CFAP99: variants seen among roughly 807,000 people sequenced by gnomAD.
CFAP99 encodes the protein cilia and flagella associated protein 99, also known as cilia- and flagella-associated protein 99.
CFAP99 carries 84 observed loss-of-function variants against 82.7 expected under a neutral mutation model. The ratio of observed to expected loss-of-function variants is 1.02; its 90% CI spans 0.85 to 1.22. The LOEUF (loss-of-function observed/expected upper bound fraction) is 1.22. Among genes scored for constraint, CFAP99 ranks in the 50% most tolerant of loss-of-function variants. The pLI is 0.00. For missense variants in CFAP99, 1,059 were observed against 983.5 expected, an observed-to-expected ratio of 1.08 and a Z score of -1.03; for synonymous variants, 456 against 429.5, an observed-to-expected ratio of 1.06 and a Z score of -0.76.
exon 14 of CFAP99, chr4:2,460,198 G>C (rs1734586155): frequency 6.5e-7 from 1 of 1,536,046 alleles, no homozygotes; most frequent in African/African-American, 1.4e-5. Flanking sequence ...TGGTGGAGCA[G>C]ATCTCGCTGT....
At position 2,459,498 on chromosome 4, in the gene CFAP99, G is replaced by C. The variant is rs551812986; in HGVS notation, c.1455+240G>C. Reference sequence around the variant, plus strand: ...CAGTCCTCTATAACTCCTGGGGGTGGCCAAGGTGGGCTTCACAGAGGAGGC... The same window carrying C: ...CAGTCCTCTATAACTCCTGGGGGTGCCCAAGGTGGGCTTCACAGAGGAGGC... On this transcript the variant is annotated intron_variant, in intron 13 of 14. Transcript: ENST00000635017. 2.6e-5 allele frequency among the ~76,000 whole-genome samples: 4 copies of C among 152,352 alleles called. No individual in the cohort carries two copies. The South Asian group carries it at 8.3e-4, about 32-fold the overall frequency.
At chr4:2,459,068 C>T in intron 12 of CFAP99, 39 bp from the exon 13 acceptor site, 1 of 1,477,878 alleles carries the variant, frequency 6.8e-7, no homozygotes, top group African/African-American at 1.4e-5. Context: ...CCTGCCCTGC[C>T]ACCCACCAGC....
chr4:2,440,983 AG>A (rs1241908729), intron 4 of CFAP99, among the ~76,000 whole-genome samples: 1 of 151,752 alleles, frequency 6.6e-6, no homozygotes, highest in Admixed American at 6.6e-5. Context: ...ACTTGAGCCC[AG>A]GAGTTTGAGG....
intron 11 of CFAP99, among the ~76,000 whole-genome samples, chr4:2,456,002 C>A (rs538957546): frequency 1.3e-5 from 2 of 152,134 alleles, no homozygotes; most frequent in Non-Finnish European, 1.5e-5. Flanking sequence ...GAACTTTGGG[C>A]ACTGCTCAAG....
rs148690724 is a variant in CFAP99 at position 2,426,663 on chromosome 4, A to ATGCCTTCCTAACGAC, written c.111+87_111+101dup. ...CAGCTGTTCTGGTTAACAGCATCAAATGCCTTCCTAACGACTGCCTTCCTT... is the reference window on the plus strand; with the variant it reads ...CAGCTGTTCTGGTTAACAGCATCAAATGCCTTCCTAACGACTGCCTTCCTAACGACTGCCTTCCTT... On this transcript the variant is annotated intron_variant, in intron 2 of 14. Coordinates refer to ENST00000635017, the Ensembl canonical transcript of CFAP99. The ATGCCTTCCTAACGAC allele has an allele frequency of 6.0e-3, 5,432 of 911,364 alleles. 111 individuals carry two copies. Among genetic ancestry groups the ATGCCTTCCTAACGAC allele is most frequent in the African/African-American group, 0.057 (3,441 of 60,296 alleles). The allele number at this position is 911,364 out of a possible 1,614,324, so 56.5% of individuals were successfully genotyped here.
Position 2,443,021 on chromosome 4 carries a change from G to A in CFAP99, c.352-109G>A, listed in dbSNP as rs1734083816. The A allele has an allele frequency of 1.5e-5, 8 of 526,572 alleles. 1 individual carries two copies. The Admixed American group carries it at 2.1e-4, about 14-fold the overall frequency. The allele number at this position is 526,572 out of a possible 1,614,324, so 32.6% of individuals were successfully genotyped here. A position where few individuals can be genotyped will look rare whatever the true frequency, so the allele number is the denominator to read the frequency against. ...GGGGGCCTTGGGGGGAGCCACTGGG[G>A]GTGCTGGGGGCCTTGGGGGCAGGGA... On this transcript the variant is annotated intron_variant, in intron 4 of 14. Coordinates refer to ENST00000635017, the Ensembl canonical transcript of CFAP99.
intron 4 of CFAP99, among the ~76,000 whole-genome samples, chr4:2,442,793 A>G (rs1391841279): frequency 3.3e-5 from 5 of 152,092 alleles, no homozygotes; most frequent in East Asian, 1.9e-4. Context: ...AAGGGGAGCC[A>G]AGGTCCAGGC....
intron 2 of CFAP99, among the ~76,000 whole-genome samples, chr4:2,436,548 C>T (rs868356709): frequency 8.5e-5 from 13 of 152,342 alleles, no homozygotes; most frequent in Middle Eastern, 6.8e-3. Flanking sequence ...CCGCTGGCCC[C>T]TGGCACTCTC....
In CFAP99 at chr4:2,438,136, A is replaced by G. The variant is rs758240278; in HGVS notation, c.323A>G (p.Lys108Arg). The change falls in exon 4 of 15, where the codon AAG (lysine) becomes AGG (arginine). Residue 108 changes from lysine to arginine, a missense_variant. By Grantham distance (26) the Lys-to-Arg change is conservative. Transcript: ENST00000635017. Reference sequence around the variant, plus strand: ...TTCCAGCTATTCTGTAACATCATCAAGTCCCAGCCCGTGGATAAGATGTGC... The same window carrying G: ...TTCCAGCTATTCTGTAACATCATCAGGTCCCAGCCCGTGGATAAGATGTGC... The G allele has an allele frequency of 6.5e-6, 10 of 1,535,628 alleles. No individual in the cohort carries two copies. In the South Asian group the frequency reaches 1.1e-4, roughly 16 times the overall value.
chr4:2,421,349 C>CTTT (rs1733579777), intron 1 of CFAP99, among the ~76,000 whole-genome samples: 1 of 91,432 alleles, frequency 1.1e-5, no homozygotes, highest in Non-Finnish European at 2.2e-5. Flanking sequence ...GTCTGCCCAC[C>CTTT]CTTTTTTTTT....
At chr4:2,443,440 A>C (rs1203813) in intron 5 of CFAP99, among the ~76,000 whole-genome samples, 198 bp downstream of exon 5, 51,443 of 152,152 alleles carry the variant, frequency 0.34, 9,102 homozygotes, top group Middle Eastern at 0.45. Flanking sequence ...CGGGGAGGAA[A>C]AGACGTGGTC....
intron 11 of CFAP99, among the ~76,000 whole-genome samples, chr4:2,452,950 C>G (rs1050753114): frequency 1.3e-5 from 2 of 152,104 alleles, no homozygotes; most frequent in African/African-American, 4.8e-5. Context: ...GTAGTGCCAC[C>G]TACTCGGGAG....
At chr4:2,432,514 G>C (rs1192656800) in intron 2 of CFAP99, among the ~76,000 whole-genome samples, 1 of 152,166 alleles carries the variant, frequency 6.6e-6, no homozygotes, top group South Asian at 2.1e-4. Flanking sequence ...TGATGAGCAG[G>C]TATTGGTGAC....
In CFAP99 at chr4:2,459,891, G is replaced by A. The variant is rs1734573854; in HGVS notation, c.1456-146G>A. On this transcript the variant is annotated intron_variant, in intron 13 of 14. Coordinates refer to ENST00000635017, the Ensembl canonical transcript of CFAP99. ...GTTGCAGAGCGGAGCCCAGGCTGGA[G>A]AGGCTGGGGGCATGTTTCATAAGCA... 7.1e-6 allele frequency: 5 copies of A among 703,458 alleles called. No individual in the cohort carries two copies. The South Asian group carries it at 8.5e-5, about 12-fold the overall frequency. The allele number at this position is 703,458 out of a possible 1,614,324, so 43.6% of individuals were successfully genotyped here.
chr4:2,431,790 C>T (rs1528069), intron 2 of CFAP99, among the ~76,000 whole-genome samples: 6,654 of 151,774 alleles, frequency 0.044, 511 homozygotes, highest in African/African-American at 0.15. Flanking sequence ...CAGTACAGCT[C>T]ATGGCCACTT....
rs1265878881 is a variant in CFAP99, at chr4:2,438,175, C to G, written c.351+11C>G. 2 of 1,498,996 alleles carry G rather than the reference C, an allele frequency of 1.3e-6. No homozygotes were observed. The highest frequency in any genetic ancestry group is 3.9e-5 in the Admixed American group (2 of 50,938). 92.9% of individuals were successfully genotyped at this position (1,498,996 alleles called of 1,614,324 possible). A position where few individuals can be genotyped will look rare whatever the true frequency, so the allele number is the denominator to read the frequency against. On this transcript the variant is annotated intron_variant, in intron 4 of 14. Coordinates refer to ENST00000635017, the Ensembl canonical transcript of CFAP99. ...GATAAGATGTGCAAGGTGAGCCACC[C>G]CTACCTGCCCACCAGGCCACGAGGC...
chr4:2,437,557 G>A (rs1453864489), intron 3 of CFAP99, among the ~76,000 whole-genome samples: 1 of 152,222 alleles, frequency 6.6e-6, no homozygotes, highest in Non-Finnish European at 1.5e-5. Flanking sequence ...AGGGAGAGGA[G>A]TGGGGCGAGC....
chr4:2,450,021 C>T lies in CFAP99; in HGVS notation c.795+16C>T. ...GCGAGTGCAGGTACCGCCCAGCTCT[C>T]TCAAGACCCATCATCGAGGTGCCAT... On this transcript the variant is annotated intron_variant, in intron 8 of 14. Transcript: ENST00000635017. 6.5e-7 allele frequency: 1 copy of T among 1,535,780 alleles called. No homozygotes were observed. The highest frequency in any genetic ancestry group is 8.7e-7 in the Non-Finnish European group (1 of 1,146,582).
In CFAP99 at chr4:2,462,784, G is replaced by A. The variant is rs1340098234; in HGVS notation, c.2003G>A (p.Arg668His). ...GGAGGCGGTGGGGGCGTCCCTGCCCGCGCCGACGCGTTCCCCGGCCTGCAG... is the reference window on the plus strand; with the variant it reads ...GGAGGCGGTGGGGGCGTCCCTGCCCACGCCGACGCGTTCCCCGGCCTGCAG... Residue 668 changes from arginine (R) to histidine (H), a missense_variant, in exon 15 of 15, where the codon CGC becomes CAC. Arg to His is a conservative substitution (Grantham distance 29). Coordinates refer to ENST00000635017, the Ensembl canonical transcript of CFAP99. This position sits in a 1 kb window ranked among gnomAD's most constrained non-coding sequence, Gnocchi z 4.1. The A allele has an allele frequency of 1.6e-6, 2 of 1,280,842 alleles. No homozygotes were observed. Among genetic ancestry groups the A allele is most frequent in the Non-Finnish European group, 9.8e-7 (1 of 1,015,926 alleles). The allele number at this position is 1,280,842 out of a possible 1,614,324, so 79.3% of individuals were successfully genotyped here.
Sources: allele counts gnomAD v4.1 joint callset (sites outside exome capture counted in the v4.1 genomes callset), GRCh38; gene constraint gnomAD v4.1.1; non-coding constraint Gnocchi (gnomAD v3.1); transcripts MANE v1.5; gene names NCBI Gene and HGNC (gene_info 2026-07-23, HGNC 2026-07-21).